VSTM1: variants seen among roughly 807,000 people sequenced by gnomAD.
VSTM1 encodes the protein V-set and transmembrane domain containing 1.
VSTM1 carries 27 observed loss-of-function variants against 33.1 expected under a neutral mutation model. The observed-to-expected ratio is 0.82, with a 90% CI of 0.60 to 1.12. The LOEUF (loss-of-function observed/expected upper bound fraction) is 1.12, where lower values mean the gene tolerates loss of function less well. Ranked by LOEUF, VSTM1 falls within the 50% of genes most tolerant of loss-of-function variation. VSTM1 has a pLI of 0.00. For synonymous variants in VSTM1, 115 were observed against 110.3 expected, an observed-to-expected ratio of 1.04 and a Z score of -0.27; for missense variants, 304 against 288.9, an observed-to-expected ratio of 1.05 and a Z score of -0.38.
At chr19:54,058,810 C>CAAA in intron 1 of VSTM1, 78 bp from the exon 2 acceptor site, 1 of 1,134,944 alleles carries the variant, frequency 8.8e-7, no homozygotes, top group East Asian at 2.3e-5. Context: ...GTATGACTAG[C>CAAA]TCTTTATAGG....
chr19:54,042,329 G>A lies in VSTM1; in HGVS notation c.435C>T (p.Ser145=). 1 of 1,613,974 alleles carries A rather than the reference G, an allele frequency of 6.2e-7. No homozygotes were observed. Among genetic ancestry groups the A allele is most frequent in the African/African-American group, 1.3e-5 (1 of 75,014 alleles). The stretch of plus-strand genomic sequence containing the variant: ...AGACTGAGAGGAAGAGGAGAAGGAT[G>A]GAGATGCAGCTGAAGATGGCGACAA... The part of the protein sequence containing the change: ...TIFVAIFSCI[S]ILLLFLSVFI... The change falls in exon 5 of 9, where the codon TCC becomes TCT. Residue 145 remains serine, a synonymous_variant. Transcript: ENST00000338372.
chr19:54,054,846 TGAATG>T (rs2071011392), intron 3 of VSTM1, among the ~76,000 whole-genome samples: 2 of 88,050 alleles, frequency 2.3e-5, no homozygotes, highest in African/African-American at 6.6e-5. Flanking sequence ...AATGGATAGA[TGAATG>T]GATGGATGGA....
intron 1 of VSTM1, among the ~76,000 whole-genome samples, chr19:54,061,833 C>T (rs2071408511): frequency 6.6e-6 from 1 of 150,930 alleles, no homozygotes. Flanking sequence ...AAAAAAAAAA[C>T]AGAGCCAACG....
chr19:54,046,309 T>G (rs2070585602), intron 4 of VSTM1, among the ~76,000 whole-genome samples: 1 of 152,128 alleles, frequency 6.6e-6, no homozygotes, highest in African/African-American at 2.4e-5. Flanking sequence ...CATATTTGAG[T>G]TCTAGTACTG....
chr19:54,048,254 T>C, intron 4 of VSTM1: 1 of 235,408 alleles, frequency 4.2e-6, no homozygotes, highest in Non-Finnish European at 9.0e-6. Flanking sequence ...TAGCTGGGAC[T>C]ACAGGTGCAC....
chr19:54,043,651 A>G (rs1222739859), intron 4 of VSTM1, among the ~76,000 whole-genome samples: 12 of 152,068 alleles, frequency 7.9e-5, no homozygotes, highest in African/African-American at 2.7e-4. Flanking sequence ...ACCTCAGGCA[A>G]TCTGCCTGCC....
intron 4 of VSTM1, among the ~76,000 whole-genome samples, chr19:54,047,885 C>T (rs1207588734): frequency 2.0e-5 from 3 of 152,112 alleles, no homozygotes; most frequent in Admixed American, 2.0e-4. Flanking sequence ...TGCAAATTGC[C>T]AGAATAAATC....
At chr19:54,048,343 T>C in intron 4 of VSTM1, 1 of 386,476 alleles carries the variant, frequency 2.6e-6, no homozygotes, top group South Asian at 1.8e-5. Flanking sequence ...CTTGAACCCC[T>C]GGGCTCAAGT....
intron 4 of VSTM1, among the ~76,000 whole-genome samples, chr19:54,050,961 T>A (rs182602224): frequency 3.4e-5 from 5 of 147,830 alleles, no homozygotes; most frequent in Admixed American, 2.7e-4. Context: ...ATTGTGCCAC[T>A]TCACGCCACC....
At chr19:54,051,373 C>T in intron 4 of VSTM1, 37 bp downstream of exon 4, 1 of 1,560,354 alleles carries the variant, frequency 6.4e-7, no homozygotes, top group Non-Finnish European at 8.8e-7. Context: ...TGAAGCAGAT[C>T]TCATTGGGAA....
chr19:54,041,734 T>C, intron 8 of VSTM1, 45 bp downstream of exon 8: 1 of 1,599,276 alleles, frequency 6.3e-7, no homozygotes, highest in Middle Eastern at 1.7e-4. Context: ...ACCAGCCCAT[T>C]GTGGTGAGGG....
intron 4 of VSTM1, among the ~76,000 whole-genome samples, chr19:54,048,935 T>G (rs1329771494): frequency 2.0e-5 from 3 of 151,918 alleles, no homozygotes; most frequent in African/African-American, 7.3e-5. Flanking sequence ...AATACACAAA[T>G]TAGCTAGGCA....
intron 1 of VSTM1, among the ~76,000 whole-genome samples, chr19:54,062,493 T>C (rs2071441358): frequency 6.6e-6 from 1 of 151,504 alleles, no homozygotes; most frequent in East Asian, 2.0e-4. Flanking sequence ...GAGGTTGAAG[T>C]GGGTAGATCA....
In VSTM1 at chr19:54,041,037, C is replaced by A; in HGVS notation, c.635G>T (p.Ser212Ile). ...QGVTYAELST[S>I]ALSEAASDTT... ...GTCTGAAGCTGCCTCAGACAGGGCG[C>A]TGGTGCTTAGCTCAGCATAGGTCAC... Residue 212 changes from serine to isoleucine, a missense_variant, in exon 9 of 9, where the codon AGC becomes ATC. By Grantham distance (142) the Ser-to-Ile change is moderately radical. Transcript: ENST00000338372. 6.2e-7 allele frequency: 1 copy of A among 1,607,858 alleles called. No homozygotes were observed. Among genetic ancestry groups the A allele is most frequent in the South Asian group, 1.1e-5 (1 of 90,536 alleles).
At chr19:54,045,617 A>G (rs2070538239) in intron 4 of VSTM1, among the ~76,000 whole-genome samples, 1 of 111,146 alleles carries the variant, frequency 9.0e-6, no homozygotes, top group African/African-American at 3.7e-5. Flanking sequence ...CCAGTTATCT[A>G]TCATCTATCA....
At chr19:54,056,320 C>T (rs2071100303) in intron 3 of VSTM1, among the ~76,000 whole-genome samples, 1 of 125,044 alleles carries the variant, frequency 8.0e-6, no homozygotes, top group Non-Finnish European at 1.6e-5. Flanking sequence ...CTCTGGGGTT[C>T]AAGCAATTCT....
chr19:54,050,906 T>A (rs2070806719), intron 4 of VSTM1, among the ~76,000 whole-genome samples: 1 of 151,436 alleles, frequency 6.6e-6, no homozygotes, highest in African/African-American at 2.4e-5. Flanking sequence ...GCAGGAGAAT[T>A]GCTTGAACCC....
At chr19:54,052,082 G>A (rs1233108450) in intron 3 of VSTM1, among the ~76,000 whole-genome samples, 3 of 152,106 alleles carry the variant, frequency 2.0e-5, no homozygotes, top group Non-Finnish European at 2.9e-5. Context: ...CTCCACAGTG[G>A]CACCATTTAG....
chr19:54,056,214 C>CTTTTTTTTTTTTTTTTTTTTTTTTTT (rs869203085), intron 3 of VSTM1, among the ~76,000 whole-genome samples: 2 of 39,182 alleles, frequency 5.1e-5, no homozygotes, highest in African/African-American at 9.7e-5. Context: ...CTTTTCTTTT[C>CTTTTTTTTTTTTTTTTTTTTTTTTTT]TTTTTTTTTT....
Sources: allele counts gnomAD v4.1 joint callset (sites outside exome capture counted in the v4.1 genomes callset), GRCh38; gene constraint gnomAD v4.1.1; transcripts MANE v1.5; gene names NCBI Gene and HGNC (gene_info 2026-07-23, HGNC 2026-07-21).